NUDT12: variants seen among roughly 807,000 people sequenced by gnomAD.
NUDT12 encodes the protein NAD-capped RNA hydrolase NUDT12.
NUDT12 carries 42 observed loss-of-function variants against 45.7 expected under a neutral mutation model. That is an observed-to-expected ratio of 0.92 (90% CI 0.72 to 1.19). The LOEUF (loss-of-function observed/expected upper bound fraction) is 1.19. Ranked by LOEUF, NUDT12 falls within the 50% of genes most tolerant of loss-of-function variation. NUDT12 has a pLI of 0.00. For missense variants in NUDT12, 590 were observed against 533.1 expected (o/e 1.11, Z -1.05); for synonymous variants, 206 against 179.7 (o/e 1.15, Z -1.17).
intron 6 of NUDT12, among the ~76,000 whole-genome samples, chr5:103,551,869 T>C (rs1748664226): frequency 6.6e-6 from 1 of 152,214 alleles, no homozygotes; most frequent in South Asian, 2.1e-4. Flanking sequence ...TTTAATGTTA[T>C]AAACTAAAAT....
rs552886189 is a variant in NUDT12 at position 103,559,641 on chromosome 5, A to G, written c.207-173T>C. On this transcript the variant is annotated intron_variant, in intron 2 of 6. Coordinates refer to ENST00000230792, the MANE Select transcript of NUDT12 (RefSeq NM_031438.4). ...TTACTATTGGGAAGGTTAAAAGAACAATCATAAATGACAAAAAGTTAAGAG... is the reference window on the plus strand; with the variant it reads ...TTACTATTGGGAAGGTTAAAAGAACGATCATAAATGACAAAAAGTTAAGAG... 2.7e-4 allele frequency: 124 copies of G among 455,044 alleles called. 1 individual carries two copies. The highest frequency in any genetic ancestry group is 2.4e-3 in the African/African-American group (116 of 49,158). 28.2% of individuals were successfully genotyped at this position (455,044 alleles called of 1,614,324 possible). A position where few individuals can be genotyped will look rare whatever the true frequency, so the allele number is the denominator to read the frequency against.
At position 103,558,911 on chromosome 5, in the gene NUDT12, G is replaced by C; in HGVS notation, c.764C>G (p.Pro255Arg). ...ENCYFLHPPM[P>R]ALLQLKEKEA... Reference sequence around the variant, plus strand: ...TTTTTCTTTCAATTGCAGAAGGGCTGGCATAGGAGGATGAAGAAAGTAACA... The same window carrying C: ...TTTTTCTTTCAATTGCAGAAGGGCTCGCATAGGAGGATGAAGAAAGTAACA... Residue 255 changes from proline to arginine, a missense_variant, in exon 3 of 7, where the codon CCA (proline) becomes CGA (arginine). Pro to Arg is a moderately radical substitution (Grantham distance 103, BLOSUM62 -2). Coordinates refer to ENST00000230792, the MANE Select transcript of NUDT12 (RefSeq NM_031438.4). 6.2e-7 allele frequency: 1 copy of C among 1,600,736 alleles called. No homozygotes were observed. The highest frequency in any genetic ancestry group is 1.3e-5 in the African/African-American group (1 of 74,220).
At chr5:103,554,976 G>A (rs1313817930) in intron 4 of NUDT12, 123 bp from the exon 5 acceptor site, 1 of 414,340 alleles carries the variant, frequency 2.4e-6, no homozygotes, top group Non-Finnish European at 4.4e-6. Context: ...CTCTTGTCTG[G>A]TTGTAAGAGA....
rs1355718582 is a variant in NUDT12 at position 103,549,374 on chromosome 5, T to A, written c.*1487A>T. 2 of 152,026 alleles carry A rather than the reference T, an allele frequency of 1.3e-5. No individual in the cohort carries two copies. Among genetic ancestry groups the A allele is most frequent in the Non-Finnish European group, 2.9e-5 (2 of 67,904 alleles). The allele number at this position is 152,026 out of a possible 1,614,324, so 9.4% of individuals were successfully genotyped here. On this transcript the variant is annotated 3_prime_UTR_variant, in exon 7 of 7. Transcript: ENST00000230792. ...TGCTCATTAGTAAAATAAAGTTTTA[T>A]CTGACAGTTATCTTTTATTTAAGTT...
At chr5:103,559,527 CGTATT>C in intron 2 of NUDT12, 59 bp from the exon 3 acceptor site, 1 of 825,426 alleles carries the variant, frequency 1.2e-6, no homozygotes, top group Non-Finnish European at 1.8e-6. Context: ...ACACTTTCTC[CGTATT>C]TATTTCACTA....
At chr5:103,560,752 A>T (rs1749008335) in intron 1 of NUDT12, among the ~76,000 whole-genome samples, 1 of 152,218 alleles carries the variant, frequency 6.6e-6, no homozygotes, top group South Asian at 2.1e-4. Context: ...GGGTCAAGAT[A>T]CTTTTTTACC....
Position 103,549,700 on chromosome 5 carries a change from T to C in NUDT12, c.*1161A>G, listed in dbSNP as rs1748592210. On this transcript the variant is annotated 3_prime_UTR_variant, in exon 7 of 7. Transcript: ENST00000230792. Reference sequence around the variant, plus strand: ...TAGCTCTAGCATACATTAGTAAAGATGCAAATTATACAAATTTTGATATTC... The same window carrying C: ...TAGCTCTAGCATACATTAGTAAAGACGCAAATTATACAAATTTTGATATTC... 1 of 152,106 alleles carries C rather than the reference T, an allele frequency of 6.6e-6. No individual in the cohort carries two copies. Among genetic ancestry groups the C allele is most frequent in the African/African-American group, 2.4e-5 (1 of 41,450 alleles). The allele number at this position is 152,106 out of a possible 1,614,324, so 9.4% of individuals were successfully genotyped here. A position where few individuals can be genotyped will look rare whatever the true frequency, so the allele number is the denominator to read the frequency against.
Position 103,554,827 on chromosome 5 carries a change from G to C in NUDT12, c.991C>G (p.His331Asp). Residue 331 changes from histidine to aspartate, a missense_variant, in exon 5 of 7, where the codon CAT becomes GAT. Coordinates refer to ENST00000230792, the MANE Select transcript of NUDT12 (RefSeq NM_031438.4). ...VDPVVIMQVIHPDGTKCLLGR... is the reference protein window; with the variant it reads ...VDPVVIMQVIDPDGTKCLLGR... Reference sequence around the variant, plus strand: ...AAAAGGCATTTGGTCCCATCTGGATGAATAACTTGCATGATTACTACTGGA... The same window carrying C: ...AAAAGGCATTTGGTCCCATCTGGATCAATAACTTGCATGATTACTACTGGA... The C allele has an allele frequency of 1.3e-6, 2 of 1,542,326 alleles. No homozygotes were observed. The highest frequency in any genetic ancestry group is 1.2e-5 in the South Asian group (1 of 82,618).
At chr5:103,556,488 A>G (rs891297355) in intron 3 of NUDT12, among the ~76,000 whole-genome samples, 19 of 152,022 alleles carry the variant, frequency 1.2e-4, no homozygotes, top group Non-Finnish European at 2.8e-4. Context: ...CTTAAGTGAG[A>G]TTTGTACTCT....
At chr5:103,556,908 A>C (rs1347863119) in intron 3 of NUDT12, among the ~76,000 whole-genome samples, 1 of 152,034 alleles carries the variant, frequency 6.6e-6, no homozygotes, top group Non-Finnish European at 1.5e-5. Flanking sequence ...AACTGGGAAA[A>C]ATAAATAAAA....
chr5:103,559,002 C>A lies in NUDT12; in HGVS notation c.673G>T (p.Val225Phe). 6.2e-7 allele frequency: 1 copy of A among 1,613,794 alleles called. No individual in the cohort carries two copies. ...EVPREEEDGL[V>F]AWFALGIDPI... ...TCTATACCTAGAGCAAACCAGGCAA[C>A]CAATCCATCTTCCTCCTCTCTCGGG... Residue 225 changes from valine to phenylalanine, a missense_variant, in exon 3 of 7, where the codon GTT (valine) becomes TTT (phenylalanine). Physicochemically the swap from Val to Phe is conservative, Grantham distance 50. Transcript: ENST00000230792.
chr5:103,552,117 G>C (rs1300712902), intron 6 of NUDT12, 100 bp downstream of exon 6: 2 of 855,208 alleles, frequency 2.3e-6, no homozygotes, highest in African/African-American at 1.7e-5. Context: ...AGGGCCAAAG[G>C]CATCATTCAA....
chr5:103,554,021 T>C (rs1748734426), intron 5 of NUDT12, among the ~76,000 whole-genome samples: 1 of 152,086 alleles, frequency 6.6e-6, no homozygotes, highest in South Asian at 2.1e-4. Context: ...TACTGTTTTA[T>C]ATATATGATA....
chr5:103,553,067 G>T (rs1202913394), intron 5 of NUDT12, among the ~76,000 whole-genome samples: 2 of 151,984 alleles, frequency 1.3e-5, no homozygotes, highest in African/African-American at 4.8e-5. Context: ...AAATCTGGAA[G>T]TTTAGAAACA....
At position 103,558,912 on chromosome 5, in the gene NUDT12, G is replaced by A. The variant is rs766813521; in HGVS notation, c.763C>T (p.Pro255Ser). The A allele has an allele frequency of 3.1e-6, 5 of 1,604,416 alleles. No individual in the cohort carries two copies. The East Asian group carries it at 1.1e-4, about 36-fold the overall frequency. The stretch of plus-strand genomic sequence containing the variant: ...TTTTCTTTCAATTGCAGAAGGGCTG[G>A]CATAGGAGGATGAAGAAAGTAACAA... Reference protein sequence around the residue: ...ENCYFLHPPMPALLQLKEKEA... With the variant: ...ENCYFLHPPMSALLQLKEKEA... The change falls in exon 3 of 7, where the codon CCA becomes TCA. Residue 255 changes from proline to serine, a missense_variant. By Grantham distance (74) the Pro-to-Ser change is moderately conservative. Coordinates refer to ENST00000230792, the MANE Select transcript of NUDT12 (RefSeq NM_031438.4).
chr5:103,556,536 C>T (rs1021627376), intron 3 of NUDT12, among the ~76,000 whole-genome samples: 1 of 152,054 alleles, frequency 6.6e-6, no homozygotes, highest in African/African-American at 2.4e-5. Context: ...GAGGCTATCA[C>T]CACTCTCTTG....
Position 103,559,744 on chromosome 5 carries a change from C to A in NUDT12, c.207-276G>T, listed in dbSNP as rs558926654. On this transcript the variant is annotated intron_variant, in intron 2 of 6. Transcript: ENST00000230792. ...AAGCTTTATGCACTATAAAGAGATACCAAAATTCTACAAGAAGTCCTTGGT... is the reference window on the plus strand; with the variant it reads ...AAGCTTTATGCACTATAAAGAGATAACAAAATTCTACAAGAAGTCCTTGGT... 6.3e-6 allele frequency: 3 copies of A among 478,542 alleles called. No individual in the cohort carries two copies. The East Asian group carries it at 1.0e-4, about 16-fold the overall frequency. The allele number at this position is 478,542 out of a possible 1,614,324, so 29.6% of individuals were successfully genotyped here.
rs1748621456 is a variant in NUDT12 at position 103,550,593 on chromosome 5, G to C, written c.*268C>G. 7.6e-6 allele frequency: 2 copies of C among 263,012 alleles called. No individual in the cohort carries two copies. Among genetic ancestry groups the C allele is most frequent in the Admixed American group, 9.8e-5 (2 of 20,470 alleles). The allele number at this position is 263,012 out of a possible 1,614,324, so 16.3% of individuals were successfully genotyped here. On this transcript the variant is annotated 3_prime_UTR_variant, in exon 7 of 7. Transcript: ENST00000230792. The stretch of plus-strand genomic sequence containing the variant: ...TCTTATTAGAAAAATGGTTTTGTGA[G>C]ATAAAACTGTGAAGGAAGAAAAGAA...
At position 103,550,841 on chromosome 5, in the gene NUDT12, T is replaced by G; in HGVS notation, c.*20A>C. Reference sequence around the variant, plus strand: ...GTTATTAGAAATTATTAAATAATACTCAAAGCTTAGTTCTTAGATTTAGAG... The same window carrying G: ...GTTATTAGAAATTATTAAATAATACGCAAAGCTTAGTTCTTAGATTTAGAG... On this transcript the variant is annotated 3_prime_UTR_variant, in exon 7 of 7. Transcript: ENST00000230792. 1 of 1,503,520 alleles carries G rather than the reference T, an allele frequency of 6.7e-7. No homozygotes were observed. The highest frequency in any genetic ancestry group is 9.3e-7 in the Non-Finnish European group (1 of 1,079,820). The allele number at this position is 1,503,520 out of a possible 1,614,324, so 93.1% of individuals were successfully genotyped here.
Sources: allele counts gnomAD v4.1 joint callset (sites outside exome capture counted in the v4.1 genomes callset), GRCh38; gene constraint gnomAD v4.1.1; transcripts MANE v1.5; gene names NCBI Gene and HGNC (gene_info 2026-07-23, HGNC 2026-07-21).